The following MYL10 variants were observed in gnomAD, a reference collection of about 807,000 sequenced individuals.
MYL10 encodes myosin light chain 10.
Under a neutral mutation model 21.9 loss-of-function variants are expected in MYL10, and 18 were observed. That is an observed-to-expected ratio of 0.82 (90% CI 0.57 to 1.22). MYL10 has a LOEUF of 1.22. Among genes scored for constraint, MYL10 ranks in the 50% most tolerant of loss-of-function variants. The pLI, the probability that MYL10 is intolerant of heterozygous loss-of-function variation, is 0.00. For synonymous variants in MYL10, 88 were observed against 82.8 expected, an observed-to-expected ratio of 1.06 and a Z score of -0.34; for missense variants, 225 against 230.4, an observed-to-expected ratio of 0.98 and a Z score of 0.15.
intron 1 of MYL10, among the ~76,000 whole-genome samples, chr7:101,625,681 G>T (rs995711175): frequency 2.0e-5 from 3 of 151,972 alleles, no homozygotes; most frequent in African/African-American, 7.3e-5. Flanking sequence ...TCCTTTGAAA[G>T]GGGGCTGCCA....
intron 5 of MYL10, among the ~76,000 whole-genome samples, chr7:101,618,339 C>G (rs371583041): frequency 6.6e-6 from 1 of 152,186 alleles, no homozygotes; most frequent in South Asian, 2.1e-4. Context: ...CAGAGCATCA[C>G]GTGGGGCACC....
chr7:101,626,337 G>A (rs1310789186), intron 1 of MYL10, among the ~76,000 whole-genome samples: 1 of 152,212 alleles, frequency 6.6e-6, no homozygotes, highest in Non-Finnish European at 1.5e-5. Flanking sequence ...TCCCCAAGAA[G>A]ATCACAGTCC....
chr7:101,613,644 A>T lies in MYL10; in HGVS notation c.582+18T>A, dbSNP rs1382404922. 6.2e-7 allele frequency: 1 copy of T among 1,613,920 alleles called. No homozygotes were observed. The highest frequency in any genetic ancestry group is 2.2e-5 in the East Asian group (1 of 44,872). On this transcript the variant is annotated intron_variant, in intron 7 of 7. Transcript: ENST00000223167. ...CAGAGCAGAGAATCCGCCGTGACCC[A>T]CCAGAATCCCAGTTTACCTCCTCCT...
At chr7:101,618,455 G>A (rs969818280) in intron 5 of MYL10, among the ~76,000 whole-genome samples, 6 of 152,172 alleles carry the variant, frequency 3.9e-5, no homozygotes, top group South Asian at 2.1e-4. Context: ...GTTTGTGGCC[G>A]GCTCCAGCCT....
At chr7:101,627,438 G>C (rs1442219002) in intron 1 of MYL10, 1 of 153,044 alleles carries the variant, frequency 6.5e-6, no homozygotes, top group African/African-American at 2.4e-5. Context: ...GTGGAGGTGA[G>C]AGGAAGGTAG....
chr7:101,621,255 G>C (rs748371485), intron 5 of MYL10, among the ~76,000 whole-genome samples: 5 of 152,188 alleles, frequency 3.3e-5, no homozygotes, highest in Non-Finnish European at 7.3e-5. Context: ...GTTTGGGGTT[G>C]AGGTTGCATC....
At chr7:101,616,619 G>A (rs1796612771) in intron 5 of MYL10, among the ~76,000 whole-genome samples, 1 of 152,242 alleles carries the variant, frequency 6.6e-6, no homozygotes, top group African/African-American at 2.4e-5. Flanking sequence ...CTATTTTACA[G>A]ATGGAAAAGC....
chr7:101,613,848 G>A lies in MYL10; in HGVS notation c.534-138C>T, dbSNP rs1796578971. 5.0e-6 allele frequency: 4 copies of A among 797,362 alleles called. No individual in the cohort carries two copies. The Admixed American group carries it at 6.9e-5, about 14-fold the overall frequency. 49.4% of individuals were successfully genotyped at this position (797,362 alleles called of 1,614,324 possible). On this transcript the variant is annotated intron_variant, in intron 6 of 7. Transcript: ENST00000223167. ...AGGACATCAACCTGGGGCTGACCCT[G>A]CCAGCCCCCCCGATGGCCAAGTAGC...
At chr7:101,623,711 A>C (rs1001604937) in intron 3 of MYL10, among the ~76,000 whole-genome samples, 8 of 151,514 alleles carry the variant, frequency 5.3e-5, no homozygotes, top group East Asian at 1.9e-4. Flanking sequence ...AAAAAAAAAA[A>C]AAAAAACCTA....
chr7:101,622,933 C>T, intron 4 of MYL10, 64 bp downstream of exon 4: 1 of 1,495,624 alleles, frequency 6.7e-7, no homozygotes, highest in Non-Finnish European at 9.3e-7. Flanking sequence ...GCCCTGCTGG[C>T]CCCAACCGCC....
At chr7:101,624,307 A>C in intron 1 of MYL10, 43 bp from the exon 2 acceptor site, 2 of 1,503,480 alleles carry the variant, frequency 1.3e-6, no homozygotes. Flanking sequence ...CCCTGCCTCG[A>C]GGGTCAGCCC....
intron 4 of MYL10, 47 bp from the exon 5 acceptor site, chr7:101,622,247 G>A (rs376203541): frequency 1.4e-5 from 21 of 1,458,710 alleles, no homozygotes; most frequent in African/African-American, 4.2e-5. Context: ...AGAGATCAGA[G>A]CTTGGGCCTC....
At chr7:101,621,866 G>A (rs571234685) in intron 5 of MYL10, among the ~76,000 whole-genome samples, 10 of 152,228 alleles carry the variant, frequency 6.6e-5, no homozygotes, top group African/African-American at 9.6e-5. Context: ...GATTACAGGC[G>A]TGAGCCACCA....
chr7:101,613,774 C>G, intron 6 of MYL10, 64 bp from the exon 7 acceptor site: 3 of 1,541,604 alleles, frequency 1.9e-6, no homozygotes, highest in East Asian at 2.2e-5. Flanking sequence ...CATGCAGATC[C>G]CAGGGGTGAT....
At chr7:101,628,505 T>G (rs1796771966) in intron 1 of MYL10, among the ~76,000 whole-genome samples, 1 of 152,020 alleles carries the variant, frequency 6.6e-6, no homozygotes, top group Admixed American at 6.6e-5. Flanking sequence ...GAGGAAGAAC[T>G]GAAAAATGAG....
intron 5 of MYL10, among the ~76,000 whole-genome samples, chr7:101,621,714 A>G (rs891053589): frequency 3.9e-5 from 6 of 151,980 alleles, no homozygotes; most frequent in Non-Finnish European, 8.8e-5. Context: ...TCAGCCTCCA[A>G]AGTAGCTGGG....
intron 5 of MYL10, among the ~76,000 whole-genome samples, chr7:101,620,475 G>A (rs963126828): frequency 2.1e-4 from 32 of 152,214 alleles, no homozygotes; most frequent in Non-Finnish European, 3.5e-4. Flanking sequence ...GCCAGATTTC[G>A]CACTTCTGGG....
chr7:101,616,819 G>A (rs960801117), intron 5 of MYL10, among the ~76,000 whole-genome samples: 6 of 152,204 alleles, frequency 3.9e-5, no homozygotes, highest in African/African-American at 1.2e-4. Context: ...CATTGGAGGG[G>A]TCTGAGAGAG....
rs1404833732 is a variant in MYL10 at position 101,622,050 on chromosome 7, C to A, written c.454+46G>T. 4 of 1,461,630 alleles carry A rather than the reference C, an allele frequency of 2.7e-6. No individual in the cohort carries two copies. The East Asian group carries it at 9.1e-5, about 33-fold the overall frequency. 90.5% of individuals were successfully genotyped at this position (1,461,630 alleles called of 1,614,324 possible). On this transcript the variant is annotated intron_variant, in intron 5 of 7. Transcript: ENST00000223167. Reference sequence around the variant, plus strand: ...CCCCTGCCTTCCTACATCCGTCCCCCTGCCATTCCCTGCTGCCCCTCCAGG... The same window carrying A: ...CCCCTGCCTTCCTACATCCGTCCCCATGCCATTCCCTGCTGCCCCTCCAGG...
Sources: gnomAD v4.1 joint callset for allele counts (sites outside exome capture counted in the v4.1 genomes callset) on GRCh38, gnomAD v4.1.1 for gene constraint, MANE v1.5 for transcripts, NCBI Gene and HGNC (gene_info 2026-07-23, HGNC 2026-07-21) for gene names.